Variants in PCDHGB7 observed in about 807,000 individuals in gnomAD.
PCDHGB7 encodes protocadherin gamma-B7.
Under a neutral mutation model 61.4 loss-of-function variants are expected in PCDHGB7, and 37 were observed. That is an observed-to-expected ratio of 0.60 (90% CI 0.46 to 0.79). The LOEUF is 0.79. Ranked by LOEUF, PCDHGB7 falls within the 30% of genes least tolerant of loss-of-function variation. The probability of loss-of-function intolerance (pLI) is 0.00; values close to 1 mark genes in which losing one functional copy is unlikely to be tolerated. For synonymous variants in PCDHGB7, 464 were observed against 503.5 expected, an observed-to-expected ratio of 0.92 and a Z score of 1.05; for missense variants, 1,166 against 1,202.5, an observed-to-expected ratio of 0.97 and a Z score of 0.45.
At chr5:141,441,746 C>CGTCAA in intron 1 of PCDHGB7, 1 of 371,314 alleles carries the variant, frequency 2.7e-6, no homozygotes, top group Non-Finnish European at 5.4e-6. Context: ...TCGCGCTCGG[C>CGTCAA]GTCAACGTGA....
chr5:141,420,076 T>TC lies in PCDHGB7; in HGVS notation c.2223dup (p.Asn742GlnfsTer4). On this transcript the variant is annotated frameshift_variant, in exon 1 of 4. Transcript: ENST00000398594. LOFTEE classifies it high-confidence loss of function. The stretch of plus-strand genomic sequence containing the variant: ...TCTGCTCCAAGTCCGGACCTGTGGG[T>TC]CCCCCCAACTACAGTGAGGGAACGT... 1 of 1,613,956 alleles carries TC rather than the reference T, an allele frequency of 6.2e-7. No individual in the cohort carries two copies. Among genetic ancestry groups the TC allele is most frequent in the Non-Finnish European group, 8.5e-7 (1 of 1,179,878 alleles).
chr5:141,478,146 T>C (rs1457995929), intron 1 of PCDHGB7: 1 of 1,613,978 alleles, frequency 6.2e-7, no homozygotes, highest in Non-Finnish European at 8.5e-7. Context: ...CGAGCCGAGT[T>C]CCCCTCTGGC....
At chr5:141,421,895 G>C in intron 1 of PCDHGB7, 1 of 1,613,730 alleles carries the variant, frequency 6.2e-7, no homozygotes, top group Non-Finnish European at 8.5e-7. Context: ...GATCCCATCC[G>C]AAAGGGCGCA....
In PCDHGB7 at chr5:141,505,471, G is replaced by A. The variant is rs766596231; in HGVS notation, c.2553G>A (p.Ala851=). The A allele has an allele frequency of 3.4e-5, 55 of 1,614,244 alleles. No individual in the cohort carries two copies. The highest frequency in any genetic ancestry group is 1.1e-4 in the East Asian group (5 of 44,880). ...AGATGCTGCAAGCCATGATCTTGGCGTCCGCCAGTGGTAAGTGGTGTCAGT... is the reference window on the plus strand; with the variant it reads ...AGATGCTGCAAGCCATGATCTTGGCATCCGCCAGTGGTAAGTGGTGTCAGT... ...DTEMLQAMIL[A]SASEAADGSS... Residue 851 remains alanine (A), a synonymous_variant, in exon 3 of 4, where the codon GCG becomes GCA. Coordinates refer to ENST00000398594, the MANE Select transcript of PCDHGB7 (RefSeq NM_018927.4).
At position 141,418,910 on chromosome 5, in the gene PCDHGB7, T is replaced by C; in HGVS notation, c.1051T>C (p.Ser351Pro). 6.2e-7 allele frequency: 1 copy of C among 1,613,936 alleles called. No individual in the cohort carries two copies. The highest frequency in any genetic ancestry group is 2.2e-5 in the East Asian group (1 of 44,878). ...NDNSPEIIIT[S>P]LSDQIMEDSP... The stretch of plus-strand genomic sequence containing the variant: ...CAACAGCCCAGAAATAATCATCACG[T>C]CACTCTCTGATCAGATTATGGAGGA... The change falls in exon 1 of 4, where the codon TCA (serine) becomes CCA (proline). Residue 351 changes from serine to proline, a missense_variant. Coordinates refer to ENST00000398594, the MANE Select transcript of PCDHGB7 (RefSeq NM_018927.4).
In PCDHGB7 at chr5:141,477,125, A is replaced by G; in HGVS notation, c.2416-17682A>G. The G allele has an allele frequency of 2.5e-6, 4 of 1,614,212 alleles. No individual in the cohort carries two copies. The highest frequency in any genetic ancestry group is 3.4e-6 in the Non-Finnish European group (4 of 1,180,036). On this transcript the variant is annotated intron_variant, in intron 1 of 3. Transcript: ENST00000398594. This position sits in a 1 kb window ranked among gnomAD's most constrained non-coding sequence, Gnocchi z 4.9. ...CGCCAATCCCGAAGGAGCACATTGC[A>G]AAGTGTTGGTGGAGGTTGTGGATGT...
chr5:141,438,627 T>C (rs55817844), intron 1 of PCDHGB7, among the ~76,000 whole-genome samples: 510 of 47,978 alleles, frequency 0.011, 3 homozygotes, highest in Admixed American at 0.017. Context: ...TATATATATA[T>C]ATATATATAC....
chr5:141,485,242 C>A lies in PCDHGB7; in HGVS notation c.2416-9565C>A, dbSNP rs747029550. ...CTACCCTTTTGTTCCTCTTTTACCA[C>A]CTGGGTTACGTTTGTGGGCAGATCC... On this transcript the variant is annotated intron_variant, in intron 1 of 3. Transcript: ENST00000398594. This position sits in a 1 kb window ranked among gnomAD's most constrained non-coding sequence, Gnocchi z 5.7. 7.4e-5 allele frequency: 119 copies of A among 1,614,054 alleles called. No individual in the cohort carries two copies. The highest frequency in any genetic ancestry group is 3.3e-4 in the Middle Eastern group (2 of 6,084).
chr5:141,471,631 G>A (rs573080972), intron 1 of PCDHGB7: 7 of 152,188 alleles, frequency 4.6e-5, no homozygotes, highest in African/African-American at 9.6e-5. Flanking sequence ...CATTGGTATG[G>A]ATTAGTAATA....
rs2154581798 is a variant in PCDHGB7, at chr5:141,489,799, G to T, written c.2416-5008G>T. 1 of 1,614,192 alleles carries T rather than the reference G, an allele frequency of 6.2e-7. No homozygotes were observed. The highest frequency in any genetic ancestry group is 2.2e-5 in the East Asian group (1 of 44,884). On this transcript the variant is annotated intron_variant, in intron 1 of 3. Coordinates refer to ENST00000398594, the MANE Select transcript of PCDHGB7 (RefSeq NM_018927.4). The surrounding 1 kb of genome is among the most constrained non-coding windows in gnomAD (Gnocchi z 4.5). Reference sequence around the variant, plus strand: ...CTCTCTGAATGTGAAGACCCTAAAAGATGGGAAGCCATTCCCAGAGCTGGT... The same window carrying T: ...CTCTCTGAATGTGAAGACCCTAAAATATGGGAAGCCATTCCCAGAGCTGGT...
Position 141,418,614 on chromosome 5 carries a change from G to C in PCDHGB7, c.755G>C (p.Arg252Pro). 1.2e-6 allele frequency: 2 copies of C among 1,613,994 alleles called. No individual in the cohort carries two copies. The highest frequency in any genetic ancestry group is 1.7e-6 in the Non-Finnish European group (2 of 1,179,896). Reference sequence around the variant, plus strand: ...CAGGACGTGTACAGGGTTAGCCTTCGGGAAGACGTGCCTCCAGGCACCTCC... The same window carrying C: ...CAGGACGTGTACAGGGTTAGCCTTCCGGAAGACGTGCCTCCAGGCACCTCC... ...FSQDVYRVSL[R>P]EDVPPGTSIL... is the part of the protein sequence containing the mutation. The change falls in exon 1 of 4, where the codon CGG (arginine) becomes CCG (proline). Residue 252 changes from arginine (R) to proline (P), a missense_variant. Transcript: ENST00000398594.
chr5:141,423,437 C>CACGT (rs766166209), intron 1 of PCDHGB7: 1 of 1,613,952 alleles, frequency 6.2e-7, no homozygotes, highest in Non-Finnish European at 8.5e-7. Context: ...GCAGGTATGC[C>CACGT]CACGTCACAT....
At chr5:141,470,872 T>TTTTTTG (rs900302332) in intron 1 of PCDHGB7, among the ~76,000 whole-genome samples, 2 of 151,814 alleles carry the variant, frequency 1.3e-5, no homozygotes, top group Admixed American at 1.3e-4. Context: ...GTTTGTTTGT[T>TTTTTTG]TTTTTGTTTT....
Position 141,431,559 on chromosome 5 carries a change from C to T in PCDHGB7, c.2415+11285C>T. 6.2e-7 allele frequency: 1 copy of T among 1,614,158 alleles called. No individual in the cohort carries two copies. On this transcript the variant is annotated intron_variant, in intron 1 of 3. Transcript: ENST00000398594. The surrounding 1 kb of genome is among the most constrained non-coding windows in gnomAD (Gnocchi z 4.8). ...ACGCAGCTGCTTGTAGTCAACGCTA[C>T]CGACCCTGACGAAGGAGTCAATGCG...
Position 141,419,265 on chromosome 5 carries a change from C to T in PCDHGB7, c.1406C>T (p.Ala469Val). The change falls in exon 1 of 4, where the codon GCC (alanine) becomes GTC (valine). Residue 469 changes from alanine to valine, a missense_variant. Ala to Val is a moderately conservative substitution (Grantham distance 64). Coordinates refer to ENST00000398594, the MANE Select transcript of PCDHGB7 (RefSeq NM_018927.4). Reference sequence around the variant, plus strand: ...GTGCCAGAAAACAACCAGCCGGGTGCCTCCATAGCGCAAGTCAGTGCCTCT... The same window carrying T: ...GTGCCAGAAAACAACCAGCCGGGTGTCTCCATAGCGCAAGTCAGTGCCTCT... ...VHVPENNQPG[A>V]SIAQVSASDP... is the part of the protein sequence containing the mutation. 6.2e-7 allele frequency: 1 copy of T among 1,614,040 alleles called. No individual in the cohort carries two copies. The highest frequency in any genetic ancestry group is 8.5e-7 in the Non-Finnish European group (1 of 1,179,898).
intron 3 of PCDHGB7, among the ~76,000 whole-genome samples, chr5:141,507,803 G>GAC (rs2099863701): frequency 6.6e-6 from 1 of 152,228 alleles, no homozygotes; most frequent in Admixed American, 6.5e-5. Flanking sequence ...CCTGCGCCCT[G>GAC]GGGAACGGAC....
Position 141,487,928 on chromosome 5 carries a change from A to G in PCDHGB7, c.2416-6879A>G. Reference sequence around the variant, plus strand: ...GGGAGCACAGGAGGCTACAGTGCACAGGGTACAGTGCACCAGGCAGTCACT... The same window carrying G: ...GGGAGCACAGGAGGCTACAGTGCACGGGGTACAGTGCACCAGGCAGTCACT... On this transcript the variant is annotated intron_variant, in intron 1 of 3. Transcript: ENST00000398594. The surrounding 1 kb of genome is among the most constrained non-coding windows in gnomAD (Gnocchi z 5.0). The G allele has an allele frequency of 3.2e-6, 2 of 620,886 alleles. No homozygotes were observed. The highest frequency in any genetic ancestry group is 5.6e-6 in the Non-Finnish European group (2 of 355,916). The allele number at this position is 620,886 out of a possible 1,614,324, so 38.5% of individuals were successfully genotyped here. A position where few individuals can be genotyped will look rare whatever the true frequency, so the allele number is the denominator to read the frequency against.
chr5:141,485,888 G>T lies in PCDHGB7; in HGVS notation c.2416-8919G>T, dbSNP rs1166795987. 3 of 1,614,028 alleles carry T rather than the reference G, an allele frequency of 1.9e-6. No homozygotes were observed. The highest frequency in any genetic ancestry group is 2.5e-6 in the Non-Finnish European group (3 of 1,180,032). ...ATCCGTGCTGGACGTAAACGACAAC[G>T]CCCCAGCCTTCCAGCAATCCAGCTA... On this transcript the variant is annotated intron_variant, in intron 1 of 3. Coordinates refer to ENST00000398594, the MANE Select transcript of PCDHGB7 (RefSeq NM_018927.4). The surrounding 1 kb of genome is among the most constrained non-coding windows in gnomAD (Gnocchi z 5.7).
In PCDHGB7 at chr5:141,490,745, C is replaced by T. The variant is rs769031787; in HGVS notation, c.2416-4062C>T. 22 of 1,614,120 alleles carry T rather than the reference C, an allele frequency of 1.4e-5. No individual in the cohort carries two copies. Among genetic ancestry groups the T allele is most frequent in the Non-Finnish European group, 1.9e-5 (22 of 1,180,050 alleles). On this transcript the variant is annotated intron_variant, in intron 1 of 3. Transcript: ENST00000398594. The surrounding 1 kb of genome is among the most constrained non-coding windows in gnomAD (Gnocchi z 5.4). Reference sequence around the variant, plus strand: ...GTAGGAAATCAGGTTCAGGGAGCCCCAGCCTCCTCCTTTGTGTATGTCAAC... The same window carrying T: ...GTAGGAAATCAGGTTCAGGGAGCCCTAGCCTCCTCCTTTGTGTATGTCAAC...
Sources: gnomAD v4.1 joint callset for allele counts (sites outside exome capture counted in the v4.1 genomes callset) on GRCh38, gnomAD v4.1.1 for gene constraint, Gnocchi (gnomAD v3.1) non-coding constraint, MANE v1.5 for transcripts, NCBI Gene and HGNC (gene_info 2026-07-23, HGNC 2026-07-21) for gene names.